ERC1: variants seen among roughly 807,000 people sequenced by gnomAD.
ERC1 encodes the protein ELKS/RAB6-interacting/CAST family member 1.
A neutral mutation model predicts 132.0 loss-of-function variants in ERC1; 56 were observed. The observed-to-expected ratio is 0.42, with a 90% CI of 0.34 to 0.53. The LOEUF (loss-of-function observed/expected upper bound fraction) is 0.53. Among genes scored for constraint, ERC1 ranks in the 20% least tolerant of loss-of-function variants. ERC1 has a pLI of 0.03. For missense variants in ERC1, 1,202 were observed against 1,349.9 expected (o/e 0.89, Z 1.72); for synonymous variants, 478 against 476.1 (o/e 1.00, Z -0.05).
At position 1,203,306 on chromosome 12, in the gene ERC1, C is replaced by T. The variant is rs376882779; in HGVS notation, c.2351+13254C>T. ...CTCCTGACCTCAGGTGATCTGCTTGCCTCGGCCTCCCAAAGTGCTGGGATT... is the reference window on the plus strand; with the variant it reads ...CTCCTGACCTCAGGTGATCTGCTTGTCTCGGCCTCCCAAAGTGCTGGGATT... On this transcript the variant is annotated intron_variant, in intron 12 of 18. Transcript: ENST00000360905. 3.3e-5 allele frequency among the ~76,000 whole-genome samples: 5 copies of T among 152,210 alleles called. No individual in the cohort carries two copies. The East Asian group carries it at 7.7e-4, about 23-fold the overall frequency.
intron 8 of ERC1, among the ~76,000 whole-genome samples, chr12:1,164,525 T>C (rs1213849954): frequency 6.1e-3 from 3 of 488 alleles, no homozygotes; most frequent in African/African-American, 0.033. Flanking sequence ...GTATTTTTAG[T>C]AGAGAAGGGT....
chr12:1,366,018 A>G (rs533536830), intron 15 of ERC1, among the ~76,000 whole-genome samples: 8 of 152,348 alleles, frequency 5.3e-5, no homozygotes, highest in African/African-American at 1.4e-4. Flanking sequence ...CAGAAGTCAC[A>G]TTCATAGAGA....
intron 12 of ERC1, among the ~76,000 whole-genome samples, chr12:1,200,562 T>C (rs1027436519): frequency 5.5e-5 from 7 of 127,914 alleles, no homozygotes; most frequent in African/African-American, 2.4e-4. Flanking sequence ...CATTTCCTTT[T>C]CTTTTTTTTT....
chr12:1,197,580 G>A (rs1221070661), intron 12 of ERC1, among the ~76,000 whole-genome samples: 1 of 152,180 alleles, frequency 6.6e-6, no homozygotes, highest in African/African-American at 2.4e-5. Flanking sequence ...TTTGCTGCTA[G>A]GGGCCAGTTT....
chr12:1,071,072 G>A (rs968440440), intron 2 of ERC1, among the ~76,000 whole-genome samples: 8 of 152,302 alleles, frequency 5.3e-5, no homozygotes, highest in African/African-American at 1.9e-4. Flanking sequence ...TTGTGTGAAT[G>A]TGGTACTATC....
At chr12:1,000,512 G>C (rs933095062) in intron 1 of ERC1, among the ~76,000 whole-genome samples, 4 of 151,484 alleles carry the variant, frequency 2.6e-5, no homozygotes, top group Non-Finnish European at 4.4e-5. Flanking sequence ...ATAACCCAAT[G>C]GGATGAAAAT....
At chr12:1,426,962 T>G (rs1467854143) in intron 17 of ERC1, among the ~76,000 whole-genome samples, 2 of 152,114 alleles carry the variant, frequency 1.3e-5, no homozygotes, top group African/African-American at 4.8e-5. Flanking sequence ...AGTGGCCCAC[T>G]AGAACATATA....
At chr12:1,253,999 ACT>A (rs1176623655) in intron 13 of ERC1, among the ~76,000 whole-genome samples, 1 of 152,036 alleles carries the variant, frequency 6.6e-6, no homozygotes, top group East Asian at 1.9e-4. Flanking sequence ...TGAACCCTGT[ACT>A]CTGTGAGTGA....
At chr12:1,484,787 A>G (rs540565384) in intron 18 of ERC1, among the ~76,000 whole-genome samples, 2 of 152,110 alleles carry the variant, frequency 1.3e-5, no homozygotes, top group South Asian at 2.1e-4. Context: ...TCACCATGCT[A>G]GTCAGGCTGG....
chr12:1,060,473 A>G (rs1472310928), intron 2 of ERC1, among the ~76,000 whole-genome samples: 1 of 152,108 alleles, frequency 6.6e-6, no homozygotes, highest in Non-Finnish European at 1.5e-5. Context: ...GATGGTTTCC[A>G]GTTGCATCCA....
chr12:1,140,937 T>C (rs777454961), intron 7 of ERC1, among the ~76,000 whole-genome samples: 5 of 152,228 alleles, frequency 3.3e-5, no homozygotes, highest in African/African-American at 7.2e-5. Flanking sequence ...CTTGAAAATA[T>C]GACTTATTAT....
At chr12:1,154,038 G>T (rs1403124871) in intron 8 of ERC1, among the ~76,000 whole-genome samples, 3 of 151,980 alleles carry the variant, frequency 2.0e-5, no homozygotes, top group Non-Finnish European at 4.4e-5. Context: ...CACTCTGTAT[G>T]CCTTTGGGTA....
In ERC1 at chr12:1,027,690, C is replaced by A. The variant is rs560687566; in HGVS notation, c.-156-58C>A. ...TCTTTAAGTGGGGGTAATGGAAAGT[C>A]TCTGAGAAGGGAAATATTTATTATT... On this transcript the variant is annotated intron_variant, in intron 1 of 18. Transcript: ENST00000360905. 16 of 543,090 alleles carry A rather than the reference C, an allele frequency of 2.9e-5. No homozygotes were observed. In the African/African-American group the frequency reaches 3.0e-4, roughly 10 times the overall value. The allele number at this position is 543,090 out of a possible 1,614,324, so 33.6% of individuals were successfully genotyped here. A position where few individuals can be genotyped will look rare whatever the true frequency, so the allele number is the denominator to read the frequency against.
intron 1 of ERC1, chr12:1,020,787 A>G (rs911091527): frequency 6.6e-6 from 1 of 152,218 alleles, no homozygotes; most frequent in Non-Finnish European, 1.5e-5. Context: ...GTTAGTCATG[A>G]AAGTACATCA....
At chr12:1,255,928 A>G (rs570825671) in intron 13 of ERC1, among the ~76,000 whole-genome samples, 4 of 151,982 alleles carry the variant, frequency 2.6e-5, no homozygotes, top group African/African-American at 7.2e-5. Context: ...CGTGAGTTTA[A>G]TGATCGCCAT....
chr12:1,454,540 A>C (rs1002752862), intron 18 of ERC1, among the ~76,000 whole-genome samples: 3 of 152,226 alleles, frequency 2.0e-5, no homozygotes, highest in Non-Finnish European at 4.4e-5. Context: ...AACTAGTGTC[A>C]GAATTAAATT....
At chr12:1,459,361 T>C (rs932268745) in intron 18 of ERC1, among the ~76,000 whole-genome samples, 1 of 152,202 alleles carries the variant, frequency 6.6e-6, no homozygotes, top group Non-Finnish European at 1.5e-5. Context: ...AGACTTTTTA[T>C]GAGGACCCAG....
chr12:1,036,874 A>G (rs1253737292), intron 2 of ERC1, among the ~76,000 whole-genome samples: 1 of 152,188 alleles, frequency 6.6e-6, no homozygotes, highest in Non-Finnish European at 1.5e-5. Context: ...CAGAAGGGGA[A>G]TGTGTTAAAG....
intron 4 of ERC1, among the ~76,000 whole-genome samples, chr12:1,108,453 G>C (rs1945494487): frequency 6.6e-6 from 1 of 152,058 alleles, no homozygotes; most frequent in South Asian, 2.1e-4. Flanking sequence ...CTTTCAGCTG[G>C]TCCAGTTTCA....
Sources: allele counts gnomAD v4.1 joint callset (sites outside exome capture counted in the v4.1 genomes callset), GRCh38; gene constraint gnomAD v4.1.1; transcripts MANE v1.5; gene names NCBI Gene and HGNC (gene_info 2026-07-23, HGNC 2026-07-21).